ARHGEF28: variants seen among roughly 807,000 people sequenced by gnomAD.
ARHGEF28 encodes 190 kDa guanine nucleotide exchange factor.
Under a neutral mutation model 206.6 loss-of-function variants are expected in ARHGEF28, and 152 were observed. That is an observed-to-expected ratio of 0.74 (90% CI 0.64 to 0.84). The LOEUF is 0.84. Among genes scored for constraint, ARHGEF28 ranks in the 40% least tolerant of loss-of-function variants. The pLI, the probability that ARHGEF28 is intolerant of heterozygous loss-of-function variation, is 0.00. For missense variants in ARHGEF28, 2,028 were observed against 2,073.2 expected (o/e 0.98, Z 0.42); for synonymous variants, 763 against 776.4 (o/e 0.98, Z 0.29).
chr5:73,637,898 C>T (rs1430574625), intron 1 of ARHGEF28, among the ~76,000 whole-genome samples: 1 of 152,066 alleles, frequency 6.6e-6, no homozygotes, highest in Admixed American at 6.5e-5. Context: ...GGAGCCGTAC[C>T]TGGTATAATA....
At chr5:73,666,486 G>A (rs905683962) in intron 1 of ARHGEF28, among the ~76,000 whole-genome samples, 7 of 152,174 alleles carry the variant, frequency 4.6e-5, no homozygotes, top group East Asian at 3.9e-4. Flanking sequence ...ACAAGTCTCT[G>A]TGTTGGTCCC....
At chr5:73,862,182 T>G in intron 16 of ARHGEF28, among the ~76,000 whole-genome samples, 1 of 152,332 alleles carries the variant, frequency 6.6e-6, no homozygotes, top group Admixed American at 6.5e-5. Flanking sequence ...GGCTATTATG[T>G]TGATGTTACA....
At chr5:73,940,792 C>A in intron 35 of ARHGEF28, 52 bp from the exon 36 acceptor site, 1 of 1,376,658 alleles carries the variant, frequency 7.3e-7, no homozygotes. Flanking sequence ...AAGACATCTG[C>A]CTTGTACATC....
intron 9 of ARHGEF28, among the ~76,000 whole-genome samples, chr5:73,799,952 C>A (rs1355603705): frequency 6.6e-6 from 1 of 151,596 alleles, no homozygotes; most frequent in Non-Finnish European, 1.5e-5. Flanking sequence ...GGGCTTGGCG[C>A]AAGTGCAAGA....
intron 4 of ARHGEF28, among the ~76,000 whole-genome samples, chr5:73,757,781 T>C (rs115327684): frequency 0.02 from 3,047 of 152,328 alleles, 89 homozygotes; most frequent in African/African-American, 0.071. Context: ...GCATTCATAA[T>C]AGTGCCTTGT....
chr5:73,696,454 C>T (rs978176763), intron 2 of ARHGEF28, among the ~76,000 whole-genome samples: 23 of 152,142 alleles, frequency 1.5e-4, no homozygotes, highest in African/African-American at 5.3e-4. Flanking sequence ...ACTCATTTTC[C>T]AGATTTCAGC....
chr5:73,889,530 C>A (rs139145247), intron 26 of ARHGEF28, among the ~76,000 whole-genome samples: 2 of 152,350 alleles, frequency 1.3e-5, no homozygotes, highest in African/African-American at 4.8e-5. Context: ...GAGCAAACAA[C>A]CAAGACAGTG....
intron 2 of ARHGEF28, among the ~76,000 whole-genome samples, chr5:73,690,028 A>G (rs1238703309): frequency 2.6e-5 from 4 of 151,020 alleles, no homozygotes; most frequent in African/African-American, 9.7e-5. Context: ...ACTGGAAATT[A>G]TAAAGATATT....
At chr5:73,735,336 A>G (rs1217517174) in intron 2 of ARHGEF28, among the ~76,000 whole-genome samples, 1 of 152,120 alleles carries the variant, frequency 6.6e-6, no homozygotes, top group Admixed American at 6.5e-5. Context: ...AATGTTAAGA[A>G]TTTCCTAAGA....
rs540262222 is a variant in ARHGEF28, at chr5:73,669,408, C to T, written c.-11-15433C>T. On this transcript the variant is annotated intron_variant, in intron 1 of 35. Coordinates refer to ENST00000513042, the MANE Select transcript of ARHGEF28 (RefSeq NM_001177693.2). ...TAGACCCACATGCAGTTGTAAGAAA[C>T]AGTAGAGATACTTTGTATACTCTGC... 2.2e-3 allele frequency among the ~76,000 whole-genome samples: 338 copies of T among 152,242 alleles called. 2 individuals are homozygous for T. The highest frequency in any genetic ancestry group is 6.8e-3 in the Middle Eastern group (2 of 294).
At chr5:73,927,459 C>A (rs1763884543) in intron 35 of ARHGEF28, among the ~76,000 whole-genome samples, 1 of 152,180 alleles carries the variant, frequency 6.6e-6, no homozygotes, top group Non-Finnish European at 1.5e-5. Flanking sequence ...TGCTATATAT[C>A]ATTTGTATGC....
intron 1 of ARHGEF28, among the ~76,000 whole-genome samples, chr5:73,650,405 C>A (rs1360916394): frequency 6.6e-6 from 1 of 150,926 alleles, no homozygotes; most frequent in African/African-American, 2.4e-5. Context: ...CCTCTTCAGC[C>A]TCCTGAGTAG....
At chr5:73,707,165 G>A (rs567820462) in intron 2 of ARHGEF28, among the ~76,000 whole-genome samples, 22 of 152,284 alleles carry the variant, frequency 1.4e-4, no homozygotes, top group Admixed American at 2.6e-4. Context: ...TCTACCCTAC[G>A]CGAGCAGCTG....
rs767287911 is a variant in ARHGEF28 at position 73,909,619 on chromosome 5, A to T, written c.4369A>T (p.Arg1457Trp). Residue 1457 changes from arginine to tryptophan, a missense_variant, in exon 34 of 36, where the codon AGG becomes TGG. Physicochemically the swap from Arg to Trp is moderately radical, Grantham distance 101. Coordinates refer to ENST00000513042, the MANE Select transcript of ARHGEF28 (RefSeq NM_001177693.2). ...LQQEQRRWLR[R>W]CEQQQRAQAT... Reference sequence around the variant, plus strand: ...GCAGGAGCAGCGGCGCTGGCTGCGCAGGTGTGAGCAGCAGCAGCGGGCGCA... The same window carrying T: ...GCAGGAGCAGCGGCGCTGGCTGCGCTGGTGTGAGCAGCAGCAGCGGGCGCA... 1.9e-6 allele frequency: 3 copies of T among 1,551,650 alleles called. No individual in the cohort carries two copies. Among genetic ancestry groups the T allele is most frequent in the Non-Finnish European group, 2.6e-6 (3 of 1,147,756 alleles).
At chr5:73,633,972 C>T (rs973777440) in intron 1 of ARHGEF28, among the ~76,000 whole-genome samples, 3 of 152,110 alleles carry the variant, frequency 2.0e-5, no homozygotes, top group Non-Finnish European at 2.9e-5. Flanking sequence ...GCCATATATC[C>T]TCATTCATGG....
intron 2 of ARHGEF28, among the ~76,000 whole-genome samples, chr5:73,707,121 G>A (rs138368044): frequency 6.6e-6 from 1 of 152,294 alleles, no homozygotes; most frequent in East Asian, 1.9e-4. Context: ...CTGTGTGGCT[G>A]CCACCTTGCC....
chr5:73,641,152 T>C (rs1356423307), intron 1 of ARHGEF28, among the ~76,000 whole-genome samples: 1 of 152,224 alleles, frequency 6.6e-6, no homozygotes, highest in East Asian at 1.9e-4. Flanking sequence ...TAAGACCACT[T>C]GAGAAACAGC....
rs1763601848 is a variant in ARHGEF28, at chr5:73,923,005, G to A, written c.4948+11430G>A. ...TTTTCATTGGCATGGAAATTGGAGG[G>A]AAAAAACACAATGAATATTTTGGCC... On this transcript the variant is annotated intron_variant, in intron 35 of 35. Transcript: ENST00000513042. 3.0e-6 allele frequency: 4 copies of A among 1,314,476 alleles called. No homozygotes were observed. The East Asian group carries it at 1.0e-4, about 33-fold the overall frequency. The allele number at this position is 1,314,476 out of a possible 1,614,324, so 81.4% of individuals were successfully genotyped here.
In ARHGEF28 at chr5:73,797,589, C is replaced by T. The variant is rs146203555; in HGVS notation, c.1024+2198C>T. On this transcript the variant is annotated intron_variant, in intron 9 of 35. Transcript: ENST00000513042. Reference sequence around the variant, plus strand: ...GTAATTTTTGTATTTTTAGTAGAGTCGGGGTTTCGCCTTCAAACTCCTGAC... The same window carrying T: ...GTAATTTTTGTATTTTTAGTAGAGTTGGGGTTTCGCCTTCAAACTCCTGAC... Among the ~76,000 whole-genome samples the T allele has an allele frequency of 4.1e-3, 629 of 152,026 alleles. 4 individuals are homozygous for T. The highest frequency in any genetic ancestry group is 0.014 in the African/African-American group (597 of 41,484).
Sources: allele counts gnomAD v4.1 joint callset (sites outside exome capture counted in the v4.1 genomes callset), GRCh38; gene constraint gnomAD v4.1.1; transcripts MANE v1.5; gene names NCBI Gene and HGNC (gene_info 2026-07-23, HGNC 2026-07-21).